The following PTPRD variants were observed in gnomAD, a reference collection of about 807,000 sequenced individuals.
PTPRD encodes the protein receptor-type tyrosine-protein phosphatase delta.
A neutral mutation model predicts 214.5 loss-of-function variants in PTPRD; 34 were observed. The observed-to-expected ratio is 0.16, with a 90% CI of 0.12 to 0.21. The LOEUF is 0.21. Ranked by LOEUF, PTPRD falls within the 10% of genes least tolerant of loss-of-function variation. The pLI, the probability that PTPRD is intolerant of heterozygous loss-of-function variation, is 1.00. For synonymous variants in PTPRD, 1,128 were observed against 845.7 expected (o/e 1.33, Z -5.79); for missense variants, 2,545 against 2,398.7 (o/e 1.06, Z -1.27).
chr9:8,593,163 AAC>A (rs1302503316), intron 14 of PTPRD, among the ~76,000 whole-genome samples: 7 of 152,210 alleles, frequency 4.6e-5, no homozygotes, highest in Admixed American at 3.9e-4. Flanking sequence ...TCATAAAAGA[AAC>A]AAAATTTTCA....
intron 5 of PTPRD, among the ~76,000 whole-genome samples, chr9:9,923,570 A>T (rs2083280803): frequency 6.6e-6 from 1 of 152,020 alleles, no homozygotes; most frequent in African/African-American, 2.4e-5. Flanking sequence ...TCCTACAAAG[A>T]AAAAGCATAC....
In PTPRD at chr9:10,334,298, T is replaced by G. The variant is rs138849598; in HGVS notation, c.-545+6665A>C. ...CACATTGATAGAATAAATCAGAAAA[T>G]AACATAATAATACCAATAGATCCAG... On this transcript the variant is annotated intron_variant, in intron 3 of 45. Transcript: ENST00000381196. Among the ~76,000 whole-genome samples, 297 of 151,546 alleles carry G rather than the reference T, an allele frequency of 2.0e-3. 1 individual carries two copies. Among genetic ancestry groups the G allele is most frequent in the African/African-American group, 6.8e-3 (283 of 41,374 alleles).
chr9:8,904,190 T>G (rs2098691834), intron 11 of PTPRD, among the ~76,000 whole-genome samples: 1 of 152,198 alleles, frequency 6.6e-6, no homozygotes, highest in African/African-American at 2.4e-5. Context: ...TCGTGGCACT[T>G]TACCTTTAAG....
chr9:10,249,357 T>A (rs1425080847), intron 3 of PTPRD, among the ~76,000 whole-genome samples: 3 of 152,138 alleles, frequency 2.0e-5, no homozygotes, highest in Non-Finnish European at 2.9e-5. Context: ...GTAACAGGTA[T>A]GTTAGTTCTC....
intron 7 of PTPRD, among the ~76,000 whole-genome samples, chr9:9,718,077 C>T (rs751712372): frequency 2.0e-5 from 3 of 152,092 alleles, no homozygotes; most frequent in African/African-American, 4.8e-5. Context: ...GAATTCTGCT[C>T]TTTTCAGAAA....
intron 37 of PTPRD, among the ~76,000 whole-genome samples, chr9:8,388,809 G>A (rs1333271862): frequency 6.6e-6 from 1 of 152,110 alleles, no homozygotes; most frequent in African/African-American, 2.4e-5. Context: ...CTCTTTCACA[G>A]AACTTAAGTC....
intron 8 of PTPRD, among the ~76,000 whole-genome samples, chr9:9,419,004 C>A (rs2077823974): frequency 6.6e-6 from 1 of 151,610 alleles, no homozygotes; most frequent in South Asian, 2.1e-4. Flanking sequence ...ATCATCAGGG[C>A]TTAATTTTGC....
chr9:8,472,383 G>A (rs2096670245), intron 30 of PTPRD, among the ~76,000 whole-genome samples: 1 of 152,160 alleles, frequency 6.6e-6, no homozygotes, highest in Non-Finnish European at 1.5e-5. Context: ...CTGAATCACA[G>A]AGACCAATCA....
At chr9:9,972,119 T>A (rs1056191685) in intron 4 of PTPRD, among the ~76,000 whole-genome samples, 2 of 152,214 alleles carry the variant, frequency 1.3e-5, no homozygotes, top group Non-Finnish European at 2.9e-5. Context: ...TTCCTATTTA[T>A]CTGGTTACGT....
At chr9:9,127,762 C>T (rs1183024485) in intron 10 of PTPRD, among the ~76,000 whole-genome samples, 5 of 151,402 alleles carry the variant, frequency 3.3e-5, no homozygotes, top group African/African-American at 1.2e-4. Context: ...GAGATTACCT[C>T]GGGAAAGAGT....
chr9:9,143,348 T>C (rs993317331), intron 10 of PTPRD, among the ~76,000 whole-genome samples: 2 of 152,222 alleles, frequency 1.3e-5, no homozygotes, highest in Admixed American at 6.5e-5. Flanking sequence ...ATTTTGACTC[T>C]TATTACAATG....
At chr9:8,743,981 A>G (rs2092459729) in intron 11 of PTPRD, among the ~76,000 whole-genome samples, 1 of 152,036 alleles carries the variant, frequency 6.6e-6, no homozygotes, top group Non-Finnish European at 1.5e-5. Context: ...TAAGGATATG[A>G]ACAGACAATT....
intron 11 of PTPRD, among the ~76,000 whole-genome samples, chr9:8,995,090 A>C (rs1026078447): frequency 2.6e-5 from 4 of 152,046 alleles, no homozygotes; most frequent in African/African-American, 9.7e-5. Flanking sequence ...GAATGAGAGA[A>C]GCTCTACATG....
chr9:10,167,835 A>T (rs1457275342), intron 3 of PTPRD, among the ~76,000 whole-genome samples: 3 of 152,192 alleles, frequency 2.0e-5, no homozygotes, highest in African/African-American at 4.8e-5. Context: ...GTGTGATAGA[A>T]GATAAAGCCC....
chr9:8,487,412 T>C (rs1460430838), intron 27 of PTPRD, among the ~76,000 whole-genome samples: 1 of 151,922 alleles, frequency 6.6e-6, no homozygotes, highest in East Asian at 1.9e-4. Flanking sequence ...ATCATCAGAA[T>C]AAAAACTAAA....
In PTPRD at chr9:8,751,987, C is replaced by T. The variant is rs552952525; in HGVS notation, c.-103-18041G>A. The stretch of plus-strand genomic sequence containing the variant: ...GGGACAAAAGCAACGTTGTGTGCGT[C>T]TGACCCTGAGCCTCAAGAAACCCAA... On this transcript the variant is annotated intron_variant, in intron 11 of 45. Transcript: ENST00000381196. Among the ~76,000 whole-genome samples the T allele has an allele frequency of 1.4e-4, 21 of 152,284 alleles. No homozygotes were observed. The South Asian group carries it at 4.3e-3, about 32-fold the overall frequency.
intron 7 of PTPRD, among the ~76,000 whole-genome samples, chr9:9,608,669 T>C (rs2094335438): frequency 6.6e-6 from 1 of 152,206 alleles, no homozygotes; most frequent in African/African-American, 2.4e-5. Context: ...TTACAATTTA[T>C]GTTTTTTGTC....
chr9:9,984,523 G>A (rs1174413498), intron 4 of PTPRD, among the ~76,000 whole-genome samples: 1 of 152,160 alleles, frequency 6.6e-6, no homozygotes, highest in African/African-American at 2.4e-5. Context: ...ATTGGACGCA[G>A]GTGAGCCACA....
intron 2 of PTPRD, among the ~76,000 whole-genome samples, chr9:10,542,785 C>T (rs530480929): frequency 6.6e-6 from 1 of 152,114 alleles, no homozygotes; most frequent in Non-Finnish European, 1.5e-5. Context: ...ATGGTGTGAT[C>T]TTGGCTCACC....
Sources: gnomAD v4.1 joint callset for allele counts (sites outside exome capture counted in the v4.1 genomes callset) on GRCh38, gnomAD v4.1.1 for gene constraint, MANE v1.5 for transcripts, NCBI Gene and HGNC (gene_info 2026-07-23, HGNC 2026-07-21) for gene names.